DNMBP: variants seen among roughly 807,000 people sequenced by gnomAD.
DNMBP encodes the protein dynamin binding protein, also known as dynamin-binding protein.
DNMBP carries 87 observed loss-of-function variants against 150.0 expected under a neutral mutation model. That is an observed-to-expected ratio of 0.58 (90% confidence interval 0.49 to 0.69). DNMBP has a LOEUF of 0.69. Among genes scored for constraint, DNMBP ranks in the 30% least tolerant of loss-of-function variants. The pLI is 0.00. For synonymous variants in DNMBP, 711 were observed against 750.4 expected (o/e 0.95, Z 0.86); for missense variants, 1,774 against 1,949.0 (o/e 0.91, Z 1.69).
chr10:99,904,345 G>A (rs1197411992), intron 6 of DNMBP, among the ~76,000 whole-genome samples: 5 of 152,044 alleles, frequency 3.3e-5, no homozygotes, highest in Middle Eastern at 3.2e-3. Flanking sequence ...CATAGCTCTC[G>A]GCGGGATGTG....
chr10:99,956,871 C>A lies in DNMBP; in HGVS notation c.603G>T (p.Leu201=). ...CATCCACAGTCCTCAGGGGCCCCAACAGCTCTACAAAACCTTCTGGAAAAA... is the reference window on the plus strand; with the variant it reads ...CATCCACAGTCCTCAGGGGCCCCAAAAGCTCTACAAAACCTTCTGGAAAAA... The part of the protein sequence containing the change: ...RGIFPEGFVE[L]LGPLRTVDES... The change falls in exon 4 of 17, where the codon CTG becomes CTT. Residue 201 remains leucine, a synonymous_variant. Coordinates refer to ENST00000324109, the MANE Select transcript of DNMBP (RefSeq NM_015221.4). 4 of 1,614,210 alleles carry A rather than the reference C, an allele frequency of 2.5e-6. No homozygotes were observed. Among genetic ancestry groups the A allele is most frequent in the Non-Finnish European group, 3.4e-6 (4 of 1,180,040 alleles).
At chr10:99,972,727 C>G (rs2040691141) in intron 1 of DNMBP, among the ~76,000 whole-genome samples, 1 of 152,222 alleles carries the variant, frequency 6.6e-6, no homozygotes, top group South Asian at 2.1e-4. Flanking sequence ...CCTCCTACCT[C>G]AGCTTTCTGA....
At chr10:99,922,527 T>TAA (rs71009788) in intron 4 of DNMBP, among the ~76,000 whole-genome samples, 13 of 78,962 alleles carry the variant, frequency 1.6e-4, no homozygotes, top group East Asian at 4.2e-4. Flanking sequence ...TTTTTTTTCT[T>TAA]AAAAAAAAAA....
In DNMBP at chr10:99,897,612, G is replaced by A. The variant is rs142430869; in HGVS notation, c.2920+474C>T. ...CTTATTTCCAATATACCATACTTCC[G>A]CTTTTTATCGTTACTTCTGCCTTTA... On this transcript the variant is annotated intron_variant, in intron 9 of 16. Coordinates refer to ENST00000324109, the MANE Select transcript of DNMBP (RefSeq NM_015221.4). Among the ~76,000 whole-genome samples the A allele has an allele frequency of 1.2e-3, 177 of 152,196 alleles. 2 individuals are homozygous for A. In the East Asian group the frequency reaches 0.03, roughly 26 times the overall value.
chr10:99,912,160 T>C (rs2039907967), intron 4 of DNMBP, among the ~76,000 whole-genome samples: 1 of 152,206 alleles, frequency 6.6e-6, no homozygotes, highest in Non-Finnish European at 1.5e-5. Context: ...AGTGAGTAAA[T>C]GGCAGTTGTG....
Position 99,886,375 on chromosome 10 carries a change from G to C in DNMBP, c.3543C>G (p.Asn1181Lys), listed in dbSNP as rs777256059. The C allele has an allele frequency of 5.6e-6, 9 of 1,614,062 alleles. No homozygotes were observed. In the East Asian group the frequency reaches 1.8e-4, roughly 32 times the overall value. The change falls in exon 13 of 17, where the codon AAC becomes AAG. Residue 1181 changes from asparagine to lysine, a missense_variant. Physicochemically the swap from Asn to Lys is moderately conservative, Grantham distance 94 (BLOSUM62 0). Around this residue, in one of 2 missense-constraint regions of DNMBP, gnomAD observed 1,430 missense variants for 1,492.5 expected, o/e 0.96. Transcript: ENST00000324109. ...GGGCTTCAGCATAGCCGTGGACACA[G>C]TTGGTGAAGAGGCCCTGGGCGTACT... Reference protein sequence around the residue: ...FHQYAQGLFTNCVHGYAEAHC... With the variant: ...FHQYAQGLFTKCVHGYAEAHC...
chr10:99,885,514 C>CAA (rs531459862), intron 14 of DNMBP, among the ~76,000 whole-genome samples, 173 bp downstream of exon 14: 14 of 144,730 alleles, frequency 9.7e-5, no homozygotes, highest in African/African-American at 2.5e-4. Flanking sequence ...GACTCTGTCT[C>CAA]AAAAAAAAAA....
chr10:99,888,373 G>A (rs1257788263), intron 12 of DNMBP, among the ~76,000 whole-genome samples: 2 of 151,942 alleles, frequency 1.3e-5, no homozygotes, highest in Non-Finnish European at 2.9e-5. Context: ...ACCATGCCCT[G>A]CTAATTTTTG....
intron 2 of DNMBP, among the ~76,000 whole-genome samples, chr10:99,969,891 C>T (rs1018024399): frequency 2.0e-5 from 3 of 152,124 alleles, no homozygotes; most frequent in African/African-American, 7.2e-5. Flanking sequence ...AGTTTTGTCC[C>T]TTTCTATCAT....
intron 4 of DNMBP, chr10:99,929,568 TCTTTATG>T: frequency 1.6e-6 from 1 of 622,282 alleles, no homozygotes; most frequent in Non-Finnish European, 2.8e-6. Flanking sequence ...TTTAAATCTA[TCTTTATG>T]CTTTATCTTA....
intron 15 of DNMBP, 74 bp downstream of exon 15, chr10:99,883,937 G>T: frequency 7.0e-7 from 1 of 1,430,560 alleles, no homozygotes; most frequent in Non-Finnish European, 9.7e-7. Flanking sequence ...TCCTGGCCTA[G>T]TCCAGATTCG....
At position 99,966,177 on chromosome 10, in the gene DNMBP, T is replaced by TA. The variant is rs549489266; in HGVS notation, c.268+2937dup. ...GTGTTTCCAAATTAAAAGACAGAGC[T>TA]AAAAAAAAAACGTGAAAGGCATAGA... On this transcript the variant is annotated intron_variant, in intron 3 of 16. Transcript: ENST00000324109. Among the ~76,000 whole-genome samples, 287 of 147,404 alleles carry TA rather than the reference T, an allele frequency of 1.9e-3. 1 individual carries two copies. The highest frequency in any genetic ancestry group is 6.1e-3 in the African/African-American group (246 of 40,304).
intron 14 of DNMBP, among the ~76,000 whole-genome samples, chr10:99,885,175 A>G (rs189236105): frequency 4.6e-4 from 70 of 152,284 alleles, no homozygotes; most frequent in African/African-American, 1.5e-3. Context: ...AGTTTCCTGA[A>G]TTAATGAACC....
Position 99,879,957 on chromosome 10 carries a change from T to G in DNMBP, c.4402A>C (p.Asn1468His). 6.2e-7 allele frequency: 1 copy of G among 1,614,236 alleles called. No homozygotes were observed. Among genetic ancestry groups the G allele is most frequent in the Non-Finnish European group, 8.5e-7 (1 of 1,180,046 alleles). The change falls in exon 16 of 17, where the codon AAC (asparagine) becomes CAC (histidine). Residue 1468 changes from asparagine to histidine, a missense_variant. Transcript: ENST00000324109. ...QPTATPRSYR[N>H]FRHPEIVGYS... The stretch of plus-strand genomic sequence containing the variant: ...CCAACTATTTCTGGATGCCTGAAGT[T>G]CCGGTAGCTCCTCGGCGTGGCAGTG...
At chr10:99,942,920 T>C (rs1053530757) in intron 4 of DNMBP, among the ~76,000 whole-genome samples, 14 of 152,258 alleles carry the variant, frequency 9.2e-5, no homozygotes, top group Non-Finnish European at 1.0e-4. Context: ...ACTTGCTTTT[T>C]TCCTACATAC....
At chr10:99,980,378 C>G (rs2040769595) in intron 1 of DNMBP, among the ~76,000 whole-genome samples, 1 of 150,060 alleles carries the variant, frequency 6.7e-6, no homozygotes, top group Admixed American at 6.7e-5. Context: ...ACCCAGAAGG[C>G]AGAGGTTGCA....
At chr10:99,959,193 AAT>A (rs1392688557) in intron 3 of DNMBP, among the ~76,000 whole-genome samples, 4 of 152,242 alleles carry the variant, frequency 2.6e-5, no homozygotes, top group African/African-American at 9.6e-5. Context: ...TTTTCATAAA[AAT>A]ATGTTATTTA....
At chr10:99,892,881 A>AAAAC (rs1467985809) in intron 11 of DNMBP, among the ~76,000 whole-genome samples, 2 of 152,258 alleles carry the variant, frequency 1.3e-5, no homozygotes, top group Admixed American at 6.5e-5. Context: ...TTAAGCGGAG[A>AAAAC]AAACACTTTA....
chr10:99,938,514 C>T (rs1179085931), intron 4 of DNMBP, among the ~76,000 whole-genome samples: 1 of 152,150 alleles, frequency 6.6e-6, no homozygotes, highest in Non-Finnish European at 1.5e-5. Context: ...CACTGCATTC[C>T]AGCCTCGGTG....
Sources: gnomAD v4.1 joint callset for allele counts (sites outside exome capture counted in the v4.1 genomes callset) on GRCh38, gnomAD v4.1.1 for gene constraint, gnomAD v4.1.1 regional missense constraint, MANE v1.5 for transcripts, NCBI Gene and HGNC (gene_info 2026-07-23, HGNC 2026-07-21) for gene names.